The following RHOBTB1 variants were observed in gnomAD, a reference collection of about 807,000 sequenced individuals.
The protein encoded by RHOBTB1 is rho-related BTB domain-containing protein 1.
In RHOBTB1, 40 loss-of-function variants were observed where a neutral mutation model predicts 71.6. That is an observed-to-expected ratio of 0.56 (90% confidence interval 0.43 to 0.73). RHOBTB1 has a LOEUF of 0.73. Ranked by LOEUF, RHOBTB1 falls within the 30% of genes least tolerant of loss-of-function variation. The pLI is 0.00. For synonymous variants in RHOBTB1, 319 were observed against 334.9 expected (o/e 0.95, Z 0.52); for missense variants, 797 against 894.0 (o/e 0.89, Z 1.38).
At chr10:60,972,468 A>G (rs1210506062) in intron 2 of RHOBTB1, among the ~76,000 whole-genome samples, 1 of 152,086 alleles carries the variant, frequency 6.6e-6, no homozygotes, top group Admixed American at 6.6e-5. Flanking sequence ...TCTCACTCAT[A>G]AGTAGGAGAT....
Position 60,892,841 on chromosome 10 carries a change from C to A in RHOBTB1, c.451G>T (p.Ala151Ser), listed in dbSNP as rs371996872. 1.2e-5 allele frequency: 20 copies of A among 1,613,402 alleles called. No individual in the cohort carries two copies. The highest frequency in any genetic ancestry group is 1.6e-5 in the Non-Finnish European group (19 of 1,179,766). Residue 151 changes from alanine to serine, a missense_variant, in exon 5 of 11, where the codon GCT becomes TCT. Coordinates refer to ENST00000337910, the MANE Select transcript of RHOBTB1 (RefSeq NM_014836.5). ...QLDLRYADLE[A>S]VNRARRPLAR... ...AACGGGCGCCTGGCTCGATTAACAG[C>A]TTCCAGGTCGGCATAGCGGAGATCA...
chr10:60,868,601 A>G (rs1359425472), downstream of RHOBTB1, among the ~76,000 whole-genome samples: 1 of 152,212 alleles, frequency 6.6e-6, no homozygotes, highest in Admixed American at 6.5e-5. Flanking sequence ...AGTGTCCATA[A>G]TGAAAATATT....
At chr10:60,929,505 T>C (rs2084100247) in intron 2 of RHOBTB1, among the ~76,000 whole-genome samples, 1 of 151,628 alleles carries the variant, frequency 6.6e-6, no homozygotes, top group African/African-American at 2.4e-5. Context: ...TAATTGAAAA[T>C]TAAATACTAA....
chr10:60,989,567 ATCTT>A (rs1249582049), intron 1 of RHOBTB1, among the ~76,000 whole-genome samples: 5 of 152,184 alleles, frequency 3.3e-5, no homozygotes, highest in Non-Finnish European at 7.3e-5. Flanking sequence ...ATAGACACTC[ATCTT>A]TCTTCTCTTA....
At chr10:60,908,181 C>T (rs1474115980) in intron 4 of RHOBTB1, among the ~76,000 whole-genome samples, 1 of 152,208 alleles carries the variant, frequency 6.6e-6, no homozygotes, top group African/African-American at 2.4e-5. Context: ...CCACAGAATC[C>T]TCTCTGCAAA....
At position 60,888,518 on chromosome 10, in the gene RHOBTB1, C is replaced by G. The variant is rs763863421; in HGVS notation, c.1150G>C (p.Glu384Gln). Reference sequence around the variant, plus strand: ...TTTGAAATGGGGTTGACTTGCATTTCCCTGTGCATGCCAATGAACCCCTTA... The same window carrying G: ...TTTGAAATGGGGTTGACTTGCATTTGCCTGTGCATGCCAATGAACCCCTTA... The part of the protein sequence containing the change: ...WSKGFIGMHR[E>Q]MQVNPISKRM... The change falls in exon 6 of 11, where the codon GAA becomes CAA. Residue 384 changes from glutamate (E) to glutamine (Q), a missense_variant. By Grantham distance (29) the Glu-to-Gln change is conservative. Coordinates refer to ENST00000337910, the MANE Select transcript of RHOBTB1 (RefSeq NM_014836.5). 8.7e-6 allele frequency: 14 copies of G among 1,614,054 alleles called. No individual in the cohort carries two copies. The highest frequency in any genetic ancestry group is 1.1e-5 in the Non-Finnish European group (13 of 1,180,034).
chr10:60,866,397 G>A (rs2080635545), downstream of RHOBTB1, among the ~76,000 whole-genome samples: 1 of 152,158 alleles, frequency 6.6e-6, no homozygotes, highest in African/African-American at 2.4e-5. Context: ...TAACAATTAT[G>A]CACATGAAAC....
intron 2 of RHOBTB1, among the ~76,000 whole-genome samples, chr10:60,920,240 G>A (rs1194077152): frequency 6.6e-6 from 1 of 152,204 alleles, no homozygotes; most frequent in Non-Finnish European, 1.5e-5. Context: ...CAAGCCAGCG[G>A]TGGTTCACAG....
intron 5 of RHOBTB1, among the ~76,000 whole-genome samples, chr10:60,892,474 T>C (rs2081970163): frequency 6.6e-6 from 1 of 152,240 alleles, no homozygotes; most frequent in Non-Finnish European, 1.5e-5. Flanking sequence ...TTGTAATAAT[T>C]ATAATTTCAA....
chr10:60,912,680 G>A (rs1017039844), intron 2 of RHOBTB1: 12 of 152,162 alleles, frequency 7.9e-5, no homozygotes, highest in Non-Finnish European at 1.5e-5. Flanking sequence ...ATCCAAGAAG[G>A]TTTAAACAGG....
chr10:60,896,745 T>C (rs1589226281), intron 4 of RHOBTB1, among the ~76,000 whole-genome samples: 1 of 152,168 alleles, frequency 6.6e-6, no homozygotes, highest in African/African-American at 2.4e-5. Flanking sequence ...AATATCAATA[T>C]AAAAATTTCG....
At chr10:60,955,190 G>A (rs573260621) in intron 2 of RHOBTB1, among the ~76,000 whole-genome samples, 31 of 151,678 alleles carry the variant, frequency 2.0e-4, no homozygotes, top group African/African-American at 6.5e-4. Flanking sequence ...GATTACAGGC[G>A]TGCACCACCA....
At chr10:60,961,563 A>C (rs1340189352) in intron 2 of RHOBTB1, among the ~76,000 whole-genome samples, 13 of 152,244 alleles carry the variant, frequency 8.5e-5, no homozygotes, top group Non-Finnish European at 1.5e-5. Context: ...TTCAGAATGA[A>C]AGCTTGTCTG....
intron 2 of RHOBTB1, among the ~76,000 whole-genome samples, chr10:60,965,898 G>T (rs1283452730): frequency 6.6e-6 from 1 of 152,066 alleles, no homozygotes; most frequent in Non-Finnish European, 1.5e-5. Context: ...AGGAAATAAA[G>T]GGAGGAACTG....
Position 60,870,649 on chromosome 10 carries a change from T to C in RHOBTB1, c.*833A>G, listed in dbSNP as rs1458860459. On this transcript the variant is annotated 3_prime_UTR_variant, in exon 11 of 11. Transcript: ENST00000337910. Reference sequence around the variant, plus strand: ...GAATACTGAGAGATGTAAACCCTAATACAGCAATCCGAACACCAGCGCACT... The same window carrying C: ...GAATACTGAGAGATGTAAACCCTAACACAGCAATCCGAACACCAGCGCACT... The C allele has an allele frequency of 6.6e-6, 1 of 152,302 alleles. No individual in the cohort carries two copies. Among genetic ancestry groups the C allele is most frequent in the Non-Finnish European group, 1.5e-5 (1 of 68,046 alleles). The allele number at this position is 152,302 out of a possible 1,614,324, so 9.4% of individuals were successfully genotyped here. A position where few individuals can be genotyped will look rare whatever the true frequency, so the allele number is the denominator to read the frequency against.
At chr10:60,907,705 T>A (rs947316761) in intron 4 of RHOBTB1, among the ~76,000 whole-genome samples, 3 of 152,198 alleles carry the variant, frequency 2.0e-5, no homozygotes, top group Admixed American at 2.0e-4. Context: ...GTCAACCAGA[T>A]GACCTTTTGA....
At chr10:60,936,692 A>G (rs2084604375) in intron 2 of RHOBTB1, among the ~76,000 whole-genome samples, 1 of 152,246 alleles carries the variant, frequency 6.6e-6, no homozygotes, top group Non-Finnish European at 1.5e-5. Flanking sequence ...TTAGAAATGC[A>G]TAATCTCAGG....
chr10:60,975,915 A>C (rs2134733799), intron 2 of RHOBTB1, among the ~76,000 whole-genome samples: 1 of 152,154 alleles, frequency 6.6e-6, no homozygotes, highest in Admixed American at 6.6e-5. Context: ...ATGATCTATA[A>C]GGGGATGGTG....
At chr10:60,862,086 T>G in the RHOBTB1 span, among the ~76,000 whole-genome samples, 2 of 151,918 alleles carry the variant, frequency 1.3e-5, no homozygotes, top group Non-Finnish European at 2.9e-5. Context: ...GTTCCATCCT[T>G]CCTTCTTTCC....
Sources: allele counts gnomAD v4.1 joint callset (sites outside exome capture counted in the v4.1 genomes callset), GRCh38; gene constraint gnomAD v4.1.1; transcripts MANE v1.5; gene names NCBI Gene and HGNC (gene_info 2026-07-23, HGNC 2026-07-21).